Variants in LRRTM4 observed in about 807,000 individuals in gnomAD.
The protein encoded by LRRTM4 is leucine rich repeat transmembrane neuronal 4.
In LRRTM4, 25 loss-of-function variants were observed where a neutral mutation model predicts 47.6. That is an observed-to-expected ratio of 0.53 (90% CI 0.38 to 0.73). The LOEUF (loss-of-function observed/expected upper bound fraction) is 0.73, where lower values mean the gene tolerates loss of function less well. Among genes scored for constraint, LRRTM4 ranks in the 30% least tolerant of loss-of-function variants. LRRTM4 has a pLI of 0.00. For missense variants in LRRTM4, 638 were observed against 713.4 expected, an observed-to-expected ratio of 0.89 and a Z score of 1.20; for synonymous variants, 311 against 269.5, an observed-to-expected ratio of 1.15 and a Z score of -1.51.
intron 3 of LRRTM4, among the ~76,000 whole-genome samples, chr2:77,409,381 C>T (rs1390780542): frequency 6.6e-6 from 1 of 152,264 alleles, no homozygotes; most frequent in Admixed American, 6.5e-5. Context: ...TGTGTCCTCA[C>T]ATGGCAGAAA....
chr2:77,194,213 T>A (rs1466764935), intron 3 of LRRTM4, among the ~76,000 whole-genome samples: 2 of 152,004 alleles, frequency 1.3e-5, no homozygotes, highest in African/African-American at 4.8e-5. Context: ...GAGAAGAAAA[T>A]AAAGAAAACT....
At chr2:77,155,498 A>G (rs953967249) in intron 3 of LRRTM4, among the ~76,000 whole-genome samples, 3 of 151,870 alleles carry the variant, frequency 2.0e-5, no homozygotes, top group African/African-American at 7.2e-5. Flanking sequence ...AGAAAATACA[A>G]AGGTTGAGAT....
At chr2:77,431,703 G>A (rs1460429505) in intron 3 of LRRTM4, among the ~76,000 whole-genome samples, 1 of 149,060 alleles carries the variant, frequency 6.7e-6, no homozygotes, top group Non-Finnish European at 1.5e-5. Flanking sequence ...AATAACTTAC[G>A]TGCTTCCAAA....
chr2:76,989,772 A>G (rs931074790), intron 3 of LRRTM4: 11 of 151,836 alleles, frequency 7.2e-5, no homozygotes, highest in African/African-American at 1.7e-4. Context: ...GTTATTTTAT[A>G]AAAAGTATTT....
intron 3 of LRRTM4, among the ~76,000 whole-genome samples, chr2:77,444,057 T>C (rs1237155917): frequency 1.3e-5 from 2 of 152,156 alleles, no homozygotes; most frequent in African/African-American, 4.8e-5. Flanking sequence ...TGTGAAGGCC[T>C]CTTAAACAGG....
intron 3 of LRRTM4, among the ~76,000 whole-genome samples, chr2:77,035,049 T>G (rs942688532): frequency 8.6e-5 from 13 of 151,796 alleles, no homozygotes; most frequent in African/African-American, 3.1e-4. Flanking sequence ...TTATTTTTAT[T>G]ATTTTTTTTC....
At chr2:77,351,939 G>C (rs1484126595) in intron 3 of LRRTM4, among the ~76,000 whole-genome samples, 1 of 151,978 alleles carries the variant, frequency 6.6e-6, no homozygotes, top group Non-Finnish European at 1.5e-5. Context: ...AATTCTCTGA[G>C]TATCCTCTTT....
At chr2:76,899,628 G>A (rs1359402580) in intron 3 of LRRTM4, among the ~76,000 whole-genome samples, 1 of 152,028 alleles carries the variant, frequency 6.6e-6, no homozygotes, top group Non-Finnish European at 1.5e-5. Flanking sequence ...TAGCTGAAAG[G>A]GAGGAAAGGC....
At chr2:77,199,795 T>C (rs375188522) in intron 3 of LRRTM4, among the ~76,000 whole-genome samples, 2 of 152,200 alleles carry the variant, frequency 1.3e-5, no homozygotes, top group East Asian at 3.9e-4. Flanking sequence ...AATTAATTAC[T>C]AGTAAACATA....
intron 3 of LRRTM4, among the ~76,000 whole-genome samples, chr2:77,073,982 A>G (rs188062416): frequency 8.5e-5 from 13 of 152,184 alleles, no homozygotes; most frequent in Non-Finnish European, 1.2e-4. Context: ...CGTTAGTTCT[A>G]CATGGTTCTT....
rs574052493 is a variant in LRRTM4, at chr2:77,138,519, G to A, written c.1551+379799C>T. On this transcript the variant is annotated intron_variant, in intron 3 of 3. Transcript: ENST00000409884. ...CACCAAATGCCCACAAGAAAAAGCAGGAAACATCTAAAATTGACAACTTAA... is the reference window on the plus strand; with the variant it reads ...CACCAAATGCCCACAAGAAAAAGCAAGAAACATCTAAAATTGACAACTTAA... Among the ~76,000 whole-genome samples, 11 of 152,098 alleles carry A rather than the reference G, an allele frequency of 7.2e-5. No homozygotes were observed. In the East Asian group the frequency reaches 1.7e-3, roughly 24 times the overall value.
intron 3 of LRRTM4, among the ~76,000 whole-genome samples, chr2:76,812,776 C>CCCTCCTCCTCTCCCTCCCGCCTT (rs1670780611): frequency 1.2e-5 from 1 of 85,636 alleles, no homozygotes; most frequent in Non-Finnish European, 2.1e-5. Flanking sequence ...CTCTCCCTCC[C>CCCTCCTCCTCTCCCTCCCGCCTT]CCTCCTCCTC....
At chr2:77,029,589 G>A (rs1678580376) in intron 3 of LRRTM4, among the ~76,000 whole-genome samples, 1 of 152,108 alleles carries the variant, frequency 6.6e-6, no homozygotes, top group African/African-American at 2.4e-5. Context: ...ACACACTCAG[G>A]AACAATACTT....
intron 3 of LRRTM4, among the ~76,000 whole-genome samples, chr2:77,386,380 C>T (rs918817523): frequency 8.6e-5 from 13 of 152,046 alleles, no homozygotes; most frequent in African/African-American, 1.9e-4. Flanking sequence ...ATGCTGTGAT[C>T]GAAAGTTGGT....
At chr2:76,900,068 A>G (rs907670887) in intron 3 of LRRTM4, among the ~76,000 whole-genome samples, 18 of 152,110 alleles carry the variant, frequency 1.2e-4, no homozygotes, top group African/African-American at 4.1e-4. Context: ...GTCTCTACTA[A>G]AAATACAAAA....
In LRRTM4 at chr2:77,140,195, G is replaced by A. The variant is rs566182803; in HGVS notation, c.1551+378123C>T. ...AATCCTAAACCAAAAGAACAAAGCT[G>A]GAGGCATCATGCTACCTGACTTCAA... On this transcript the variant is annotated intron_variant, in intron 3 of 3. Coordinates refer to ENST00000409884, the MANE Select transcript of LRRTM4 (RefSeq NM_001134745.3). Among the ~76,000 whole-genome samples, 46 of 152,182 alleles carry A rather than the reference G, an allele frequency of 3.0e-4. 1 individual carries two copies. The highest frequency in any genetic ancestry group is 1.2e-3 in the South Asian group (6 of 4,822).
intron 3 of LRRTM4, among the ~76,000 whole-genome samples, chr2:76,968,555 G>T (rs909598359): frequency 2.0e-5 from 3 of 150,754 alleles, no homozygotes; most frequent in African/African-American, 7.3e-5. Context: ...TAGGCTAGTC[G>T]TTCTCAATAA....
intron 3 of LRRTM4, among the ~76,000 whole-genome samples, chr2:76,947,394 GA>G (rs1675356950): frequency 6.6e-6 from 1 of 151,770 alleles, no homozygotes; most frequent in Non-Finnish European, 1.5e-5. Flanking sequence ...GGACATGCAA[GA>G]ATTTGAAGCC....
intron 3 of LRRTM4, among the ~76,000 whole-genome samples, chr2:77,157,013 G>C (rs1331002481): frequency 6.6e-6 from 1 of 151,560 alleles, no homozygotes; most frequent in Non-Finnish European, 1.5e-5. Flanking sequence ...TTATCAAACA[G>C]TAATAACAAT....
Sources: gnomAD v4.1 joint callset for allele counts (sites outside exome capture counted in the v4.1 genomes callset) on GRCh38, gnomAD v4.1.1 for gene constraint, MANE v1.5 for transcripts, NCBI Gene and HGNC (gene_info 2026-07-23, HGNC 2026-07-21) for gene names.